GLCCI1: variants seen among roughly 807,000 people sequenced by gnomAD.
GLCCI1 encodes the protein glucocorticoid induced 1.
Under a neutral mutation model 52.2 loss-of-function variants are expected in GLCCI1, and 24 were observed. The observed-to-expected ratio is 0.46, with a 90% CI of 0.33 to 0.65. The LOEUF is 0.65. Among genes scored for constraint, GLCCI1 ranks in the 30% least tolerant of loss-of-function variants. GLCCI1 has a pLI of 0.02. For synonymous variants in GLCCI1, 310 were observed against 276.5 expected (o/e 1.12, Z -1.20); for missense variants, 704 against 701.5 (o/e 1.00, Z -0.04).
intron 2 of GLCCI1, among the ~76,000 whole-genome samples, chr7:8,020,883 G>A (rs943243174): frequency 7.9e-5 from 12 of 152,106 alleles, no homozygotes; most frequent in Admixed American, 6.5e-5. Flanking sequence ...ATGATTTGGA[G>A]GGTTGAATTA....
rs1368700024 is a variant in GLCCI1, at chr7:7,976,853, C to T, written c.457+7046C>T. Among the ~76,000 whole-genome samples the T allele has an allele frequency of 4.4e-4, 66 of 151,368 alleles. 1 individual carries two copies. Among genetic ancestry groups the T allele is most frequent in the Non-Finnish European group, 5.9e-5 (4 of 67,928 alleles). Reference sequence around the variant, plus strand: ...AGGAGGATCACTTGAGCCCAGGCGGCAGAGGTTACAGTGAGCTGAAATCAC... The same window carrying T: ...AGGAGGATCACTTGAGCCCAGGCGGTAGAGGTTACAGTGAGCTGAAATCAC... On this transcript the variant is annotated intron_variant, in intron 1 of 7. Coordinates refer to ENST00000223145, the MANE Select transcript of GLCCI1 (RefSeq NM_138426.4).
chr7:7,994,672 G>A (rs140068976), intron 1 of GLCCI1, among the ~76,000 whole-genome samples: 163 of 152,316 alleles, frequency 1.1e-3, no homozygotes, highest in African/African-American at 3.8e-3. Flanking sequence ...TCCAAGATGA[G>A]TTTTGGAGGG....
chr7:8,036,609 G>T, intron 3 of GLCCI1, among the ~76,000 whole-genome samples: 1 of 152,090 alleles, frequency 6.6e-6, no homozygotes, highest in East Asian at 1.9e-4. Context: ...TGATACTAAA[G>T]TTCAATGATA....
chr7:8,059,395 G>A (rs2127960346), intron 4 of GLCCI1, among the ~76,000 whole-genome samples: 1 of 152,158 alleles, frequency 6.6e-6, no homozygotes, highest in Admixed American at 6.5e-5. Context: ...TAAGATAGAG[G>A]TCATTTGTTT....
intron 6 of GLCCI1, among the ~76,000 whole-genome samples, chr7:8,081,896 G>C (rs1001803595): frequency 4.6e-5 from 7 of 152,160 alleles, no homozygotes; most frequent in African/African-American, 1.7e-4. Context: ...AATACAGAAA[G>C]ATGTGAATAA....
At position 8,015,894 on chromosome 7, in the gene GLCCI1, G is replaced by A. The variant is rs185950009; in HGVS notation, c.610-6589G>A. The stretch of plus-strand genomic sequence containing the variant: ...TGATACTCAGTTTTCTTCCCTTTAC[G>A]AGAAACATTTAGCTGGAAACAAAAT... On this transcript the variant is annotated intron_variant, in intron 2 of 7. Coordinates refer to ENST00000223145, the MANE Select transcript of GLCCI1 (RefSeq NM_138426.4). Among the ~76,000 whole-genome samples the A allele has an allele frequency of 6.4e-3, 971 of 152,170 alleles. 7 individuals carry two copies. The highest frequency in any genetic ancestry group is 0.011 in the South Asian group (51 of 4,828).
intron 4 of GLCCI1, among the ~76,000 whole-genome samples, chr7:8,058,784 T>A (rs1405169522): frequency 1.3e-5 from 2 of 152,188 alleles, no homozygotes; most frequent in African/African-American, 4.8e-5. Flanking sequence ...CTCATGCAGT[T>A]GAAAATTTGT....
intron 1 of GLCCI1, among the ~76,000 whole-genome samples, chr7:7,999,201 T>C (rs1781003253): frequency 6.6e-6 from 1 of 151,938 alleles, no homozygotes; most frequent in Non-Finnish European, 1.5e-5. Context: ...AAAAATATAA[T>C]AAAAGAAAAA....
intron 7 of GLCCI1, 82 bp downstream of exon 7, chr7:8,085,099 A>G (rs1783075559): frequency 6.7e-7 from 1 of 1,483,074 alleles, no homozygotes; most frequent in Non-Finnish European, 9.3e-7. Flanking sequence ...ATATGAATCA[A>G]CTACTCTATC....
chr7:8,049,028 G>T lies in GLCCI1; in HGVS notation c.697-6405G>T, dbSNP rs1160517225. 2.0e-5 allele frequency among the ~76,000 whole-genome samples: 3 copies of T among 152,222 alleles called. No individual in the cohort carries two copies. In the South Asian group the frequency reaches 6.2e-4, roughly 32 times the overall value. ...GTTTTTATAAACAAAAATTGAAAAA[G>T]ATAGATTTACTATTCTTTAAGGCAC... On this transcript the variant is annotated intron_variant, in intron 3 of 7. Coordinates refer to ENST00000223145, the MANE Select transcript of GLCCI1 (RefSeq NM_138426.4).
Position 8,072,581 on chromosome 7 carries a change from C to T in GLCCI1, c.1177+1450C>T, listed in dbSNP as rs186991638. On this transcript the variant is annotated intron_variant, in intron 6 of 7. Coordinates refer to ENST00000223145, the MANE Select transcript of GLCCI1 (RefSeq NM_138426.4). ...TTAATGTGGATGTTTCACAATAAAA[C>T]ATCTTGCTTCCAGTAGGAGTGTTTG... 2.0e-5 allele frequency among the ~76,000 whole-genome samples: 3 copies of T among 152,262 alleles called. No homozygotes were observed. The East Asian group carries it at 5.8e-4, about 29-fold the overall frequency.
intron 2 of GLCCI1, among the ~76,000 whole-genome samples, chr7:8,020,431 T>C (rs1781460570): frequency 6.6e-6 from 1 of 152,212 alleles, no homozygotes; most frequent in African/African-American, 2.4e-5. Flanking sequence ...AATAACTGAA[T>C]AAGTTTTCAT....
chr7:8,002,473 G>C (rs1456798600), intron 1 of GLCCI1, among the ~76,000 whole-genome samples: 1 of 152,108 alleles, frequency 6.6e-6, no homozygotes, highest in African/African-American at 2.4e-5. Flanking sequence ...AAGTAATACA[G>C]ATAAAGAGGA....
intron 3 of GLCCI1, among the ~76,000 whole-genome samples, chr7:8,024,162 A>G (rs1562432327): frequency 6.6e-6 from 1 of 152,054 alleles, no homozygotes; most frequent in Non-Finnish European, 1.5e-5. Context: ...CTCTTTGTAT[A>G]ATTTTTATGT....
intron 1 of GLCCI1, among the ~76,000 whole-genome samples, chr7:7,999,911 CAAAT>C (rs1419188652): frequency 5.3e-5 from 8 of 152,098 alleles, no homozygotes; most frequent in Non-Finnish European, 4.4e-5. Context: ...GTAGAAAACA[CAAAT>C]AAAATAAACA....
At chr7:7,974,437 T>C (rs903203666) in intron 1 of GLCCI1, among the ~76,000 whole-genome samples, 1 of 152,170 alleles carries the variant, frequency 6.6e-6, no homozygotes, top group Non-Finnish European at 1.5e-5. Flanking sequence ...TTAATTACAG[T>C]ACTTTTTACA....
chr7:7,979,301 C>T (rs1780558461), intron 1 of GLCCI1, among the ~76,000 whole-genome samples: 1 of 152,138 alleles, frequency 6.6e-6, no homozygotes, highest in South Asian at 2.1e-4. Flanking sequence ...CAGGGAATTG[C>T]ATTTGCTCAC....
Position 8,087,108 on chromosome 7 carries a change from T to C in GLCCI1, c.*570T>C, listed in dbSNP as rs1434613066. 1.3e-5 allele frequency: 2 copies of C among 152,630 alleles called. No individual in the cohort carries two copies. Among genetic ancestry groups the C allele is most frequent in the East Asian group, 3.8e-4 (2 of 5,200 alleles). The allele number at this position is 152,630 out of a possible 1,614,324, so 9.5% of individuals were successfully genotyped here. ...GTATATCATATTGGGATATTAAATATTTCACAGCTAAAAAGCTAAAGAGGG... is the reference window on the plus strand; with the variant it reads ...GTATATCATATTGGGATATTAAATACTTCACAGCTAAAAAGCTAAAGAGGG... On this transcript the variant is annotated 3_prime_UTR_variant, in exon 8 of 8. Transcript: ENST00000223145.
chr7:7,968,817 G>C lies in GLCCI1; in HGVS notation c.-534G>C, dbSNP rs952229509. 1 of 159,388 alleles carries C rather than the reference G, an allele frequency of 6.3e-6. No individual in the cohort carries two copies. The highest frequency in any genetic ancestry group is 2.4e-5 in the African/African-American group (1 of 41,518). The allele number at this position is 159,388 out of a possible 1,614,324, so 9.9% of individuals were successfully genotyped here. ...AATTAGTTGCCATTCGGAGTGAGGA[G>C]TGGGTAGAAGCGGCGGCGGCGGCGG... On this transcript the variant is annotated 5_prime_UTR_variant, in exon 1 of 8. Transcript: ENST00000223145.
Sources: allele counts gnomAD v4.1 joint callset (sites outside exome capture counted in the v4.1 genomes callset), GRCh38; gene constraint gnomAD v4.1.1; transcripts MANE v1.5; gene names NCBI Gene and HGNC (gene_info 2026-07-23, HGNC 2026-07-21).